VEZT: variants seen among roughly 807,000 people sequenced by gnomAD.
VEZT encodes the protein vezatin.
VEZT carries 39 observed loss-of-function variants against 79.9 expected under a neutral mutation model. The ratio of observed to expected loss-of-function variants is 0.49; its 90% CI spans 0.38 to 0.64. VEZT has a LOEUF of 0.64. Among genes scored for constraint, VEZT ranks in the 30% least tolerant of loss-of-function variants. VEZT has a pLI of 0.00. For synonymous variants in VEZT, 325 were observed against 327.6 expected (o/e 0.99, Z 0.09); for missense variants, 837 against 893.1 (o/e 0.94, Z 0.80).
At chr12:95,277,318 G>A (rs939939980) in intron 7 of VEZT, among the ~76,000 whole-genome samples, 15 of 152,202 alleles carry the variant, frequency 9.9e-5, no homozygotes, top group African/African-American at 3.1e-4. Flanking sequence ...ATGGCTGTGT[G>A]AGTCATGCCA....
At chr12:95,240,943 C>T (rs2060923950) in intron 1 of VEZT, among the ~76,000 whole-genome samples, 1 of 151,840 alleles carries the variant, frequency 6.6e-6, no homozygotes, top group African/African-American at 2.4e-5. Context: ...TTGTCCTGTG[C>T]AATATAGGAT....
At chr12:95,225,518 C>T (rs1684583046) in intron 1 of VEZT, among the ~76,000 whole-genome samples, 2 of 152,168 alleles carry the variant, frequency 1.3e-5, no homozygotes, top group Admixed American at 6.5e-5. Flanking sequence ...GATCGCGCCA[C>T]TGCACTCCAG....
intron 1 of VEZT, among the ~76,000 whole-genome samples, chr12:95,224,532 C>G (rs2058129740): frequency 6.6e-6 from 1 of 152,148 alleles, no homozygotes; most frequent in Non-Finnish European, 1.5e-5. Flanking sequence ...GAGCAGCCAT[C>G]TTATTTCCTG....
At chr12:95,230,277 A>G (rs994865827) in intron 1 of VEZT, among the ~76,000 whole-genome samples, 2 of 152,124 alleles carry the variant, frequency 1.3e-5, no homozygotes, top group Non-Finnish European at 2.9e-5. Context: ...TTTATTTTAA[A>G]ATCTGCATTG....
At chr12:95,290,208 T>C (rs1234643355) in intron 9 of VEZT, among the ~76,000 whole-genome samples, 1 of 152,230 alleles carries the variant, frequency 6.6e-6, no homozygotes, top group Non-Finnish European at 1.5e-5. Context: ...ATGATAAATA[T>C]TTTGTAAAGA....
chr12:95,297,150 C>T (rs1181479125), intron 11 of VEZT, among the ~76,000 whole-genome samples: 2 of 152,162 alleles, frequency 1.3e-5, no homozygotes, highest in African/African-American at 4.8e-5. Flanking sequence ...TTCTGTTTCT[C>T]ACCCTTCTTT....
chr12:95,244,343 C>T (rs2061447901), intron 1 of VEZT, among the ~76,000 whole-genome samples: 1 of 152,086 alleles, frequency 6.6e-6, no homozygotes, highest in African/African-American at 2.4e-5. Flanking sequence ...GTGAGCTATG[C>T]ACACCACTGC....
Position 95,270,155 on chromosome 12 carries a change from C to T in VEZT, c.815C>T (p.Ala272Val). Reference protein sequence around the residue: ...VYRTLRANFQAARLATLYMLK... With the variant: ...VYRTLRANFQVARLATLYMLK... Reference sequence around the variant, plus strand: ...CGAACTCTAAGAGCCAACTTCCAAGCAGCAAGGCTAGCTACCCTATATATG... The same window carrying T: ...CGAACTCTAAGAGCCAACTTCCAAGTAGCAAGGCTAGCTACCCTATATATG... The change falls in exon 6 of 12, where the codon GCA becomes GTA. Residue 272 changes from alanine to valine, a missense_variant. Transcript: ENST00000436874. The T allele has an allele frequency of 6.2e-7, 1 of 1,610,364 alleles. No individual in the cohort carries two copies. The highest frequency in any genetic ancestry group is 8.5e-7 in the Non-Finnish European group (1 of 1,178,316).
chr12:95,226,334 C>T (rs748231259), intron 1 of VEZT, among the ~76,000 whole-genome samples: 1 of 151,204 alleles, frequency 6.6e-6, no homozygotes, highest in African/African-American at 2.4e-5. Context: ...TTGAACAAGC[C>T]AAGCCAATTT....
intron 7 of VEZT, among the ~76,000 whole-genome samples, chr12:95,280,524 T>TAC (rs10611290): frequency 0.097 from 13,337 of 137,520 alleles, 683 homozygotes; most frequent in Non-Finnish European, 0.12. Flanking sequence ...TTCATATGTG[T>TAC]ACACACACAC....
chr12:95,241,894 C>T (rs1046428059), intron 1 of VEZT, among the ~76,000 whole-genome samples: 60 of 152,212 alleles, frequency 3.9e-4, no homozygotes, highest in African/African-American at 1.4e-3. Flanking sequence ...ATTTGTGCCT[C>T]CACTGAGACT....
chr12:95,217,905 T>C lies in VEZT; in HGVS notation c.36+19T>C. ...TTTTGAGGTAAGAGGAAAATGGCGG[T>C]GGGTGTGGATTGCCTTTGTTTGAGA... is the stretch of plus-strand genomic sequence containing the variant. On this transcript the variant is annotated intron_variant, in intron 1 of 11. Coordinates refer to ENST00000436874, the MANE Select transcript of VEZT (RefSeq NM_017599.4). The C allele has an allele frequency of 4.0e-6, 6 of 1,498,474 alleles. No homozygotes were observed. Among genetic ancestry groups the C allele is most frequent in the Non-Finnish European group, 5.3e-6 (6 of 1,126,040 alleles). 92.8% of individuals were successfully genotyped at this position (1,498,474 alleles called of 1,614,324 possible). A position where few individuals can be genotyped will look rare whatever the true frequency, so the allele number is the denominator to read the frequency against.
chr12:95,260,610 C>T (rs1019674027), intron 3 of VEZT, among the ~76,000 whole-genome samples: 1 of 152,154 alleles, frequency 6.6e-6, no homozygotes, highest in African/African-American at 2.4e-5. Context: ...CACTCTCTGT[C>T]AGCTTTAGCC....
At chr12:95,294,815 T>C (rs2073791743) in intron 10 of VEZT, among the ~76,000 whole-genome samples, 1 of 152,248 alleles carries the variant, frequency 6.6e-6, no homozygotes, top group African/African-American at 2.4e-5. Flanking sequence ...TCATATTATC[T>C]ATTCAGTATT....
In VEZT at chr12:95,287,507, T is replaced by A. The variant is rs1196442859; in HGVS notation, c.1329-157T>A. ...TGGTGAAAAAGGGGTTTCACCATGT[T>A]GCCCAAGCTGGTTTTGAACTCCTGA... On this transcript the variant is annotated intron_variant, in intron 8 of 11. Coordinates refer to ENST00000436874, the MANE Select transcript of VEZT (RefSeq NM_017599.4). Among the ~76,000 whole-genome samples, 3 of 152,298 alleles carry A rather than the reference T, an allele frequency of 2.0e-5. No individual in the cohort carries two copies. The East Asian group carries it at 5.8e-4, about 29-fold the overall frequency.
At chr12:95,224,415 G>A (rs1457233511) in intron 1 of VEZT, among the ~76,000 whole-genome samples, 1 of 152,034 alleles carries the variant, frequency 6.6e-6, no homozygotes, top group East Asian at 1.9e-4. Context: ...CCTGGCTCAG[G>A]TGATCCTACC....
intron 1 of VEZT, chr12:95,242,047 A>T (rs954344441): frequency 6.6e-6 from 1 of 152,256 alleles, no homozygotes; most frequent in Non-Finnish European, 1.5e-5. Flanking sequence ...AAAAATAAAC[A>T]CAAAAAATAG....
chr12:95,228,942 C>T (rs1181284541), intron 1 of VEZT, among the ~76,000 whole-genome samples: 1 of 152,044 alleles, frequency 6.6e-6, no homozygotes, highest in African/African-American at 2.4e-5. Flanking sequence ...GTTGAGGCTG[C>T]AGTGAGCTGT....
In VEZT at chr12:95,294,550, A is replaced by G. The variant is rs192222839; in HGVS notation, c.1623+178A>G. 1.4e-4 allele frequency among the ~76,000 whole-genome samples: 22 copies of G among 152,272 alleles called. No homozygotes were observed. In the East Asian group the frequency reaches 3.7e-3, roughly 25 times the overall value. On this transcript the variant is annotated intron_variant, in intron 10 of 11. Transcript: ENST00000436874. ...TTGTTATTTATATCTAATTGTCTAT[A>G]TCTGAGTGGCTTTCAAAAGTGATTA...
Sources: gnomAD v4.1 joint callset for allele counts (sites outside exome capture counted in the v4.1 genomes callset) on GRCh38, gnomAD v4.1.1 for gene constraint, MANE v1.5 for transcripts, NCBI Gene and HGNC (gene_info 2026-07-23, HGNC 2026-07-21) for gene names.